DOK6: variants seen among roughly 807,000 people sequenced by gnomAD.
DOK6 encodes the protein downstream of tyrosine kinase 6.
A neutral mutation model predicts 44.0 loss-of-function variants in DOK6; 22 were observed. That is an observed-to-expected ratio of 0.50 (90% CI 0.36 to 0.71). The LOEUF is 0.71. DOK6 is among the 30% of genes least tolerant of loss of function. DOK6 has a pLI of 0.00. For synonymous variants in DOK6, 166 were observed against 145.5 expected (o/e 1.14, Z -1.01); for missense variants, 340 against 416.4 (o/e 0.82, Z 1.60).
intron 1 of DOK6, among the ~76,000 whole-genome samples, chr18:69,456,311 T>A (rs1321643171): frequency 6.6e-6 from 1 of 152,040 alleles, no homozygotes; most frequent in African/African-American, 2.4e-5. Context: ...CATGCATCAC[T>A]CCCTTTCCCC....
At position 69,660,695 on chromosome 18, in the gene DOK6, G is replaced by A. The variant is rs1465432140; in HGVS notation, c.290-17039G>A. On this transcript the variant is annotated intron_variant, in intron 3 of 7. Coordinates refer to ENST00000382713, the MANE Select transcript of DOK6 (RefSeq NM_152721.6). ...ATTTTTTTTTTTTTTTTTTTGAGAT[G>A]GAGTCTCGCTCTGTCACCAGGCTGG... 8 of 137,462 alleles carry A rather than the reference G, an allele frequency of 5.8e-5. No homozygotes were observed. In the South Asian group the frequency reaches 6.9e-4, roughly 12 times the overall value. 8.5% of individuals were successfully genotyped at this position (137,462 alleles called of 1,614,324 possible). A position where few individuals can be genotyped will look rare whatever the true frequency, so the allele number is the denominator to read the frequency against.
intron 3 of DOK6, among the ~76,000 whole-genome samples, chr18:69,659,357 G>C (rs1985450560): frequency 6.6e-6 from 1 of 152,202 alleles, no homozygotes; most frequent in Non-Finnish European, 1.5e-5. Context: ...ATTAGAAAAA[G>C]ATAAAGTGAC....
At chr18:69,646,553 G>A (rs1368730330) in intron 3 of DOK6, among the ~76,000 whole-genome samples, 1 of 152,154 alleles carries the variant, frequency 6.6e-6, no homozygotes, top group Non-Finnish European at 1.5e-5. Context: ...TAGAGTTTGA[G>A]GGGCTCGCTG....
intron 4 of DOK6, among the ~76,000 whole-genome samples, chr18:69,678,739 T>C (rs936190849): frequency 3.9e-5 from 6 of 152,208 alleles, no homozygotes; most frequent in Non-Finnish European, 5.9e-5. Flanking sequence ...TATTCATTGA[T>C]TGTGAGCTCA....
Position 69,481,798 on chromosome 18 carries a change from A to G in DOK6, c.66+80488A>G, listed in dbSNP as rs187243571. On this transcript the variant is annotated intron_variant, in intron 1 of 7. Coordinates refer to ENST00000382713, the MANE Select transcript of DOK6 (RefSeq NM_152721.6). ...CTCTAGATCCTTGAGGAATCGCCACACTGTCTTCCACAATGGTTGAACTAG... is the reference window on the plus strand; with the variant it reads ...CTCTAGATCCTTGAGGAATCGCCACGCTGTCTTCCACAATGGTTGAACTAG... Among the ~76,000 whole-genome samples the G allele has an allele frequency of 4.1e-3, 622 of 152,292 alleles. 3 individuals carry two copies. Among genetic ancestry groups the G allele is most frequent in the African/African-American group, 0.014 (594 of 41,558 alleles).
At chr18:69,836,954 G>A (rs1360191540) in intron 7 of DOK6, among the ~76,000 whole-genome samples, 2 of 152,112 alleles carry the variant, frequency 1.3e-5, no homozygotes, top group African/African-American at 4.8e-5. Context: ...ACTGACTGAG[G>A]TATGCTATTT....
chr18:69,461,561 T>C (rs762964339), intron 1 of DOK6, among the ~76,000 whole-genome samples: 2 of 152,198 alleles, frequency 1.3e-5, no homozygotes, highest in East Asian at 1.9e-4. Context: ...TCATATCACC[T>C]CTTGGAGGCC....
chr18:69,599,305 T>A, intron 2 of DOK6, 79 bp from the exon 3 acceptor site: 1 of 985,502 alleles, frequency 1.0e-6, no homozygotes, highest in South Asian at 1.7e-5. Context: ...AAGACTGTGA[T>A]AACTTATCAT....
At chr18:69,641,394 C>T (rs1000604490) in intron 3 of DOK6, among the ~76,000 whole-genome samples, 2 of 152,082 alleles carry the variant, frequency 1.3e-5, no homozygotes, top group Non-Finnish European at 2.9e-5. Context: ...ACACCTTATG[C>T]CAGTTGCTTA....
chr18:69,684,601 T>A (rs1219945026), intron 4 of DOK6, among the ~76,000 whole-genome samples: 1 of 151,808 alleles, frequency 6.6e-6, no homozygotes, highest in African/African-American at 2.4e-5. Context: ...AGAAGAGTTT[T>A]ATGGAAAATA....
intron 3 of DOK6, among the ~76,000 whole-genome samples, chr18:69,643,316 A>G (rs1984990367): frequency 1.3e-5 from 2 of 152,168 alleles, no homozygotes; most frequent in South Asian, 4.1e-4. Flanking sequence ...TATGTTCTAT[A>G]CATTTTTATC....
Position 69,642,682 on chromosome 18 carries a change from A to C in DOK6, c.290-35052A>C, listed in dbSNP as rs184267889. Among the ~76,000 whole-genome samples, 561 of 152,194 alleles carry C rather than the reference A, an allele frequency of 3.7e-3. 2 individuals carry two copies. The highest frequency in any genetic ancestry group is 0.017 in the South Asian group (80 of 4,816). On this transcript the variant is annotated intron_variant, in intron 3 of 7. Transcript: ENST00000382713. ...ATACCCTCCAACCTGAATTTGTTGT[A>C]ATTTTTCCTCAAGTTAAACATCTTT...
At chr18:69,650,372 G>A (rs551536296) in intron 3 of DOK6, among the ~76,000 whole-genome samples, 14 of 152,156 alleles carry the variant, frequency 9.2e-5, no homozygotes, top group African/African-American at 3.4e-4. Flanking sequence ...ATAAGGTTCT[G>A]TTCTAGAGGA....
chr18:69,466,757 GA>G (rs1343769933), intron 1 of DOK6, among the ~76,000 whole-genome samples: 6 of 149,836 alleles, frequency 4.0e-5, no homozygotes, highest in African/African-American at 1.2e-4. Flanking sequence ...AGACTCAAGG[GA>G]AAAAAAAGTA....
At chr18:69,676,627 C>T (rs1985928521) in intron 3 of DOK6, among the ~76,000 whole-genome samples, 2 of 152,246 alleles carry the variant, frequency 1.3e-5, no homozygotes, top group African/African-American at 2.4e-5. Flanking sequence ...TCTGGGCAGA[C>T]GTCAATGGAA....
intron 1 of DOK6, among the ~76,000 whole-genome samples, chr18:69,558,850 T>C (rs1029847985): frequency 2.0e-5 from 3 of 152,122 alleles, no homozygotes; most frequent in African/African-American, 7.2e-5. Flanking sequence ...GTTAATAGTA[T>C]TTGACCAATA....
intron 3 of DOK6, among the ~76,000 whole-genome samples, chr18:69,617,243 C>T (rs1227740266): frequency 1.3e-5 from 2 of 151,572 alleles, no homozygotes; most frequent in Non-Finnish European, 2.9e-5. Context: ...TAGAGTGAGC[C>T]CAAGAGGTTG....
intron 3 of DOK6, among the ~76,000 whole-genome samples, chr18:69,630,685 C>T (rs182022065): frequency 5.3e-5 from 8 of 152,246 alleles, no homozygotes; most frequent in African/African-American, 1.7e-4. Flanking sequence ...ATATTCATTT[C>T]TATTTTCAAA....
chr18:69,526,334 G>A (rs928260182), intron 1 of DOK6, among the ~76,000 whole-genome samples: 1 of 152,092 alleles, frequency 6.6e-6, no homozygotes, highest in Admixed American at 6.6e-5. Context: ...TGTACACAAT[G>A]TCAGCTTTTA....
Sources: allele counts gnomAD v4.1 joint callset (sites outside exome capture counted in the v4.1 genomes callset), GRCh38; gene constraint gnomAD v4.1.1; transcripts MANE v1.5; gene names NCBI Gene and HGNC (gene_info 2026-07-23, HGNC 2026-07-21).